The following MAB21L4 variants were observed in gnomAD, a reference collection of about 807,000 sequenced individuals.
MAB21L4 encodes the protein protein mab-21-like 4.
Under a neutral mutation model 32.4 loss-of-function variants are expected in MAB21L4, and 25 were observed. The ratio of observed to expected loss-of-function variants is 0.77; its 90% confidence interval spans 0.56 to 1.08. The LOEUF is 1.08. Ranked by LOEUF, MAB21L4 falls within the 50% of genes least tolerant of loss-of-function variation. MAB21L4 has a pLI of 0.00. For missense variants in MAB21L4, 638 were observed against 611.0 expected, an observed-to-expected ratio of 1.04 and a Z score of -0.47; for synonymous variants, 280 against 276.8, an observed-to-expected ratio of 1.01 and a Z score of -0.11.
Position 240,895,769 on chromosome 2 carries a change from C to G in MAB21L4, c.229G>C (p.Asp77His), listed in dbSNP as rs1559580569. Residue 77 changes from aspartate (D) to histidine (H), a missense_variant, in exon 1 of 5, where the codon GAC (aspartate) becomes CAC (histidine). Transcript: ENST00000388934. ...AFQFALRSSEDPMDMEVPLWV... is the reference protein window; with the variant it reads ...AFQFALRSSEHPMDMEVPLWV... ...AGGGGCACCTCCATGTCCATTGGGT[C>G]CTCAGAGGAGCGCAGGGCGAACTGG... The G allele has an allele frequency of 1.2e-6, 2 of 1,611,892 alleles. No homozygotes were observed. The highest frequency in any genetic ancestry group is 8.5e-7 in the Non-Finnish European group (1 of 1,179,368).
At chr2:240,889,001 C>A (rs1303363424) in intron 3 of MAB21L4, among the ~76,000 whole-genome samples, 1 of 147,092 alleles carries the variant, frequency 6.8e-6, no homozygotes, top group Non-Finnish European at 1.5e-5. Flanking sequence ...CTTTGAGCTC[C>A]TACTCACCCC....
At chr2:240,889,870 C>T in intron 3 of MAB21L4, 135 bp downstream of exon 3, 2 of 1,104,190 alleles carry the variant, frequency 1.8e-6, no homozygotes, top group Non-Finnish European at 2.5e-6. Context: ...TGGGCAGGCC[C>T]TCAGAATCCC....
At position 240,891,782 on chromosome 2, in the gene MAB21L4, C is replaced by T. The variant is rs202007238; in HGVS notation, c.515-19G>A. The T allele has an allele frequency of 1.1e-5, 18 of 1,603,622 alleles. No individual in the cohort carries two copies. The highest frequency in any genetic ancestry group is 3.3e-5 in the Admixed American group (2 of 59,754). On this transcript the variant is annotated intron_variant, in intron 1 of 4. Transcript: ENST00000388934. ...AGCGAACCTGCAAAGACCCAAGTCA[C>T]GCCGGCCCCTCGACTTGCCTCACCT...
chr2:240,890,200 T>C (rs759302706), intron 2 of MAB21L4, 42 bp from the exon 3 acceptor site: 13 of 1,566,186 alleles, frequency 8.3e-6, no homozygotes, highest in Middle Eastern at 2.0e-4. Context: ...CCCGCCGCTG[T>C]TGGCCCCCAG....
rs1009063106 is a variant in MAB21L4 at position 240,894,818 on chromosome 2, C to T, written c.514+666G>A. Among the ~76,000 whole-genome samples the T allele has an allele frequency of 7.3e-4, 70 of 95,768 alleles. 1 individual carries two copies. Among genetic ancestry groups the T allele is most frequent in the African/African-American group, 3.3e-3 (70 of 21,174 alleles). The allele number at this position is 95,768 out of a possible 152,430, so 62.8% of individuals were successfully genotyped here. A position where few individuals can be genotyped will look rare whatever the true frequency, so the allele number is the denominator to read the frequency against. On this transcript the variant is annotated intron_variant, in intron 1 of 4. Transcript: ENST00000388934. ...GTCTCACAAACAAACAAACAAAAGG[C>T]CCCAGAGGAGAGACTGAGGCCAGCC... is the stretch of plus-strand genomic sequence containing the variant.
intron 2 of MAB21L4, among the ~76,000 whole-genome samples, 169 bp from the exon 3 acceptor site, chr2:240,890,327 T>C (rs1465390430): frequency 6.6e-6 from 1 of 152,220 alleles, no homozygotes; most frequent in African/African-American, 2.4e-5. Context: ...TCATCGGCTG[T>C]GCAGTGTGCA....
Position 240,887,094 on chromosome 2 carries a change from C to T in MAB21L4, c.1320G>A (p.Arg440=), listed in dbSNP as rs778372943. The T allele has an allele frequency of 3.1e-6, 5 of 1,614,026 alleles. No homozygotes were observed. Among genetic ancestry groups the T allele is most frequent in the Non-Finnish European group, 4.2e-6 (5 of 1,180,010 alleles). The change falls in exon 5 of 5, where the codon AGG becomes AGA. Residue 440 remains arginine, a synonymous_variant. Transcript: ENST00000388934. ...SAMQSIFQKT[R]TLGGEES ...CTCAGCTCTCCTCGCCTCCCAGAGT[C>T]CTGGTCTTCTGGAAGATGCTCTGCA...
rs4675865 is a variant in MAB21L4, at chr2:240,890,531, C to T, written c.741-373G>A. On this transcript the variant is annotated intron_variant, in intron 2 of 4. Coordinates refer to ENST00000388934, the MANE Select transcript of MAB21L4 (RefSeq NM_001085437.3). ...CAGGGCGGCAGCCTCCAGGGGTGGC[C>T]GCATGATGGGCTCAGAATCTCTGCT... Among the ~76,000 whole-genome samples, 3,217 of 152,256 alleles carry T rather than the reference C, an allele frequency of 0.021. 235 individuals are homozygous for T. In the East Asian group the frequency reaches 0.24, roughly 11 times the overall value.
chr2:240,892,955 C>A (rs930020043), intron 1 of MAB21L4, among the ~76,000 whole-genome samples: 6 of 152,156 alleles, frequency 3.9e-5, no homozygotes, highest in Non-Finnish European at 7.4e-5. Flanking sequence ...GCCCTACCCC[C>A]CCAAAAACAA....
At chr2:240,892,976 G>A (rs1294041355) in intron 1 of MAB21L4, among the ~76,000 whole-genome samples, 2 of 152,132 alleles carry the variant, frequency 1.3e-5, no homozygotes, top group East Asian at 1.9e-4. Context: ...ATTAATATCC[G>A]AGAATGAAGA....
Position 240,890,016 on chromosome 2 carries a change from C to A in MAB21L4, c.883G>T (p.Gly295Cys), listed in dbSNP as rs2059129910. 1 of 1,610,406 alleles carries A rather than the reference C, an allele frequency of 6.2e-7. No homozygotes were observed. The highest frequency in any genetic ancestry group is 8.5e-7 in the Non-Finnish European group (1 of 1,177,490). Residue 295 changes from glycine to cysteine, a missense_variant, in exon 3 of 5, where the codon GGC becomes TGC. Coordinates refer to ENST00000388934, the MANE Select transcript of MAB21L4 (RefSeq NM_001085437.3). The part of the protein sequence containing the change: ...DSGQTDGLTF[G>C]HLKMVLLWAS... ...CCCGCCCTGGGTACCTTCAGGTGGC[C>A]AAAGGTCAGGCCGTCAGTCTGGCCA...
rs529346558 is a variant in MAB21L4, at chr2:240,894,972, C to T, written c.514+512G>A. On this transcript the variant is annotated intron_variant, in intron 1 of 4. Transcript: ENST00000388934. ...GCATTCACACCCCTGCACTCACGCG[C>T]ACGCAGGCAGGCACACACACACCCC... Among the ~76,000 whole-genome samples, 10 of 152,364 alleles carry T rather than the reference C, an allele frequency of 6.6e-5. No individual in the cohort carries two copies. The South Asian group carries it at 2.1e-3, about 32-fold the overall frequency.
Position 240,888,408 on chromosome 2 carries a change from G to C in MAB21L4, c.1135C>G (p.His379Asp). 3 of 1,557,276 alleles carry C rather than the reference G, an allele frequency of 1.9e-6. No homozygotes were observed. Among genetic ancestry groups the C allele is most frequent in the Non-Finnish European group, 2.6e-6 (3 of 1,154,732 alleles). ...PEAALRIHATHLGRSPPPRIG... is the reference protein window; with the variant it reads ...PEAALRIHATDLGRSPPPRIG... ...CGCGGCGGGGGGCTGCGGCCCAGGT[G>C]GGTGGCGTGGATGCGCAGGGCCGCC... is the stretch of plus-strand genomic sequence containing the variant. Residue 379 changes from histidine to aspartate, a missense_variant, in exon 4 of 5, where the codon CAC becomes GAC. Transcript: ENST00000388934.
chr2:240,895,286 C>T (rs1005234411), intron 1 of MAB21L4, among the ~76,000 whole-genome samples, 198 bp downstream of exon 1: 6 of 152,258 alleles, frequency 3.9e-5, no homozygotes, highest in Non-Finnish European at 8.8e-5. Flanking sequence ...TGTGCCCCAA[C>T]ACACTGTTCA....
intron 1 of MAB21L4, chr2:240,892,169 T>C (rs1424202684): frequency 3.8e-6 from 3 of 792,502 alleles, no homozygotes; most frequent in Non-Finnish European, 1.8e-6. Flanking sequence ...GGGGCCAAAG[T>C]CCCAGCCCTC....
At position 240,894,602 on chromosome 2, in the gene MAB21L4, CGA is replaced by C. The variant is rs1179811751; in HGVS notation, c.514+880_514+881del. Among the ~76,000 whole-genome samples, 10 of 152,268 alleles carry C rather than the reference CGA, an allele frequency of 6.6e-5. No individual in the cohort carries two copies. The East Asian group carries it at 1.9e-3, about 29-fold the overall frequency. On this transcript the variant is annotated intron_variant, in intron 1 of 4. Coordinates refer to ENST00000388934, the MANE Select transcript of MAB21L4 (RefSeq NM_001085437.3). ...GGCGGATCATCTGAAGTCAGAAGTT[CGA>C]GACCAGCCTGGCCAACATGGTGAAA...
intron 1 of MAB21L4, 27 bp downstream of exon 1, chr2:240,895,457 C>T (rs1410829855): frequency 7.4e-6 from 11 of 1,495,024 alleles, no homozygotes; most frequent in African/African-American, 1.4e-5. Flanking sequence ...CACGCAGATA[C>T]GCGTGCAGAG....
At chr2:240,893,780 C>T (rs1180103359) in intron 1 of MAB21L4, among the ~76,000 whole-genome samples, 2 of 152,166 alleles carry the variant, frequency 1.3e-5, no homozygotes, top group Admixed American at 6.5e-5. Context: ...AGAGCAAATC[C>T]GAATGACTCA....
rs570973596 is a variant in MAB21L4 at position 240,888,257 on chromosome 2, C to T, written c.1251+35G>A. ...GCTCCATTCCACCCTCCCATGCCCC[C>T]GGGCCTGCCCAAGGCCCCCGCAGCC... On this transcript the variant is annotated intron_variant, in intron 4 of 4. Transcript: ENST00000388934. 239 of 1,482,328 alleles carry T rather than the reference C, an allele frequency of 1.6e-4. 1 individual carries two copies. The highest frequency in any genetic ancestry group is 6.2e-4 in the African/African-American group (43 of 68,996). The allele number at this position is 1,482,328 out of a possible 1,614,324, so 91.8% of individuals were successfully genotyped here.
Sources: gnomAD v4.1 joint callset for allele counts (sites outside exome capture counted in the v4.1 genomes callset) on GRCh38, gnomAD v4.1.1 for gene constraint, MANE v1.5 for transcripts, NCBI Gene and HGNC (gene_info 2026-07-23, HGNC 2026-07-21) for gene names.